The following ABCC5 variants were observed in gnomAD, a reference collection of about 807,000 sequenced individuals.
ABCC5 encodes the protein ATP binding cassette subfamily C member 5.
In ABCC5, 61 loss-of-function variants were observed where a neutral mutation model predicts 160.9. The ratio of observed to expected loss-of-function variants is 0.38; its 90% confidence interval spans 0.31 to 0.47. ABCC5 has a LOEUF of 0.47. ABCC5 is among the 20% of genes least tolerant of loss of function. The pLI, the probability that ABCC5 is intolerant of heterozygous loss-of-function variation, is 0.99. For synonymous variants in ABCC5, 666 were observed against 700.6 expected (o/e 0.95, Z 0.78); for missense variants, 1,308 against 1,813.3 (o/e 0.72, Z 5.06).
Position 183,951,794 on chromosome 3 carries a change from C to A in ABCC5, c.2814+63G>T, listed in dbSNP as rs1715375982. 1.3e-6 allele frequency: 2 copies of A among 1,582,114 alleles called. No homozygotes were observed. Among genetic ancestry groups the A allele is most frequent in the Admixed American group, 3.4e-5 (2 of 59,396 alleles). The stretch of plus-strand genomic sequence containing the variant: ...CCTACTCAGCATGAACTGAGAGACG[C>A]CACACCAAAGCCTGACCACAGGTCA... On this transcript the variant is annotated intron_variant, in intron 19 of 29. Coordinates refer to ENST00000334444, the MANE Select transcript of ABCC5 (RefSeq NM_005688.4). This position sits in a 1 kb window ranked among gnomAD's most constrained non-coding sequence, Gnocchi z 4.7.
intron 2 of ABCC5, chr3:184,010,613 CCTTCTCCTG>C (rs1346315410): frequency 2.0e-5 from 3 of 152,978 alleles, no homozygotes; most frequent in Non-Finnish European, 4.4e-5. Context: ...ACAGCCTCCA[CCTTCTCCTG>C]CTCTGCAAGC....
intron 24 of ABCC5, among the ~76,000 whole-genome samples, chr3:183,944,988 A>T (rs1714707030): frequency 6.6e-6 from 1 of 152,186 alleles, no homozygotes; most frequent in Non-Finnish European, 1.5e-5. Flanking sequence ...GTGAGTTCTC[A>T]GGAGATCTGG....
chr3:183,932,758 G>GT (rs1181223203), intron 26 of ABCC5, among the ~76,000 whole-genome samples: 6 of 152,200 alleles, frequency 3.9e-5, no homozygotes, highest in Admixed American at 6.5e-5. Context: ...GAGCTCAGGA[G>GT]TTTAAGACTA....
intron 18 of ABCC5, 117 bp from the exon 19 acceptor site, chr3:183,952,120 A>T: frequency 4.4e-6 from 4 of 899,330 alleles, no homozygotes; most frequent in Non-Finnish European, 4.8e-6. Flanking sequence ...CCACCCTGGG[A>T]CCTGGTCATG....
At chr3:183,937,543 T>C (rs919175830) in intron 26 of ABCC5, among the ~76,000 whole-genome samples, 2 of 152,212 alleles carry the variant, frequency 1.3e-5, no homozygotes, top group Non-Finnish European at 2.9e-5. Context: ...TACATGAACT[T>C]ATTCAACCTT....
rs942937258 is a variant in ABCC5 at position 183,951,075 on chromosome 3, C to T, written c.2944+366G>A. Among the ~76,000 whole-genome samples the T allele has an allele frequency of 3.3e-5, 5 of 152,168 alleles. No homozygotes were observed. Among genetic ancestry groups the T allele is most frequent in the Non-Finnish European group, 7.3e-5 (5 of 68,034 alleles). ...GGAAGCCCCCTGTCAATGTCAGGGGCTTTACTGTTACTCTGAACTGTGGGG... is the reference window on the plus strand; with the variant it reads ...GGAAGCCCCCTGTCAATGTCAGGGGTTTTACTGTTACTCTGAACTGTGGGG... On this transcript the variant is annotated intron_variant, in intron 20 of 29. Coordinates refer to ENST00000334444, the MANE Select transcript of ABCC5 (RefSeq NM_005688.4). The surrounding 1 kb of genome is among the most constrained non-coding windows in gnomAD (Gnocchi z 4.7).
chr3:183,985,407 A>G, intron 5 of ABCC5: 2 of 1,591,618 alleles, frequency 1.3e-6, no homozygotes, highest in Non-Finnish European at 1.7e-6. Context: ...CACTGGTTCC[A>G]CTACAGAGAG....
At chr3:184,015,251 C>T (rs1398894031) in intron 1 of ABCC5, among the ~76,000 whole-genome samples, 1 of 152,110 alleles carries the variant, frequency 6.6e-6, no homozygotes, top group Non-Finnish European at 1.5e-5. Context: ...TATTCTAAAC[C>T]ACTGCTTGCC....
At chr3:183,990,306 C>T (rs1560040559) in intron 2 of ABCC5, among the ~76,000 whole-genome samples, 2 of 152,014 alleles carry the variant, frequency 1.3e-5, no homozygotes, top group Non-Finnish European at 2.9e-5. Flanking sequence ...GGGGTTTCAC[C>T]ATGTTGGCCA....
chr3:183,962,378 G>C (rs1034017855), intron 15 of ABCC5, among the ~76,000 whole-genome samples: 2 of 149,150 alleles, frequency 1.3e-5, no homozygotes, highest in African/African-American at 4.9e-5. Flanking sequence ...GTCTCTACTG[G>C]TATCTAGTGG....
At chr3:183,937,771 C>T in intron 26 of ABCC5, 130 bp downstream of exon 26, 1 of 990,906 alleles carries the variant, frequency 1.0e-6, no homozygotes, top group Non-Finnish European at 1.5e-6. Flanking sequence ...GCACATGGTG[C>T]AGTGGGAAAA....
intron 26 of ABCC5, among the ~76,000 whole-genome samples, chr3:183,930,298 G>C (rs921858703): frequency 1.3e-5 from 2 of 152,228 alleles, no homozygotes; most frequent in Non-Finnish European, 1.5e-5. Context: ...GGCATCTCTC[G>C]ATCTCCTGGG....
chr3:183,994,144 G>A (rs1029187447), intron 2 of ABCC5, among the ~76,000 whole-genome samples: 7 of 151,738 alleles, frequency 4.6e-5, no homozygotes, highest in African/African-American at 1.5e-4. Context: ...TGTATTTTTA[G>A]TAGAGATGCC....
chr3:183,985,606 T>C (rs1017750724), intron 5 of ABCC5: 3 of 618,118 alleles, frequency 4.9e-6, no homozygotes, highest in Non-Finnish European at 5.9e-6. Context: ...TACAGTGCGA[T>C]GCTAATTCTT....
chr3:183,978,787 C>G, intron 8 of ABCC5, 136 bp from the exon 9 acceptor site: 1 of 943,674 alleles, frequency 1.1e-6, no homozygotes, highest in Non-Finnish European at 1.5e-6. Flanking sequence ...ACCACTAAAG[C>G]TGGTATAAAA....
chr3:183,979,902 G>A (rs1346953425), intron 8 of ABCC5, among the ~76,000 whole-genome samples: 1 of 151,544 alleles, frequency 6.6e-6, no homozygotes, highest in Non-Finnish European at 1.5e-5. Flanking sequence ...TAAGACGGGA[G>A]TCTCACTCTG....
At chr3:183,973,728 T>C (rs1013421920) in intron 10 of ABCC5, among the ~76,000 whole-genome samples, 1 of 152,198 alleles carries the variant, frequency 6.6e-6, no homozygotes, top group African/African-American at 2.4e-5. Flanking sequence ...TGGCCCCCGC[T>C]TGCTGAAATG....
At chr3:183,969,308 G>A (rs1717520076) in intron 11 of ABCC5, among the ~76,000 whole-genome samples, 1 of 152,166 alleles carries the variant, frequency 6.6e-6, no homozygotes, top group South Asian at 2.1e-4. Flanking sequence ...CTGCACGTGT[G>A]GAATCATTTT....
At chr3:183,985,577 C>T (rs1240526569) in intron 5 of ABCC5, 18 of 685,514 alleles carry the variant, frequency 2.6e-5, no homozygotes, top group Middle Eastern at 3.0e-4. Flanking sequence ...CTGCAGGAGG[C>T]GGCCTTCTCT....
Sources: gnomAD v4.1 joint callset for allele counts (sites outside exome capture counted in the v4.1 genomes callset) on GRCh38, gnomAD v4.1.1 for gene constraint, Gnocchi (gnomAD v3.1) non-coding constraint, MANE v1.5 for transcripts, NCBI Gene and HGNC (gene_info 2026-07-23, HGNC 2026-07-21) for gene names.